IQCM: variants seen among roughly 807,000 people sequenced by gnomAD.
IQCM encodes IQ domain-containing protein M.
A neutral mutation model predicts 57.6 loss-of-function variants in IQCM; 45 were observed. That is an observed-to-expected ratio of 0.78 (90% CI 0.62 to 1.00). The LOEUF (loss-of-function observed/expected upper bound fraction) is 1.00. IQCM is among the 50% of genes least tolerant of loss of function. The pLI is 0.00. For synonymous variants in IQCM, 148 were observed against 158.9 expected, an observed-to-expected ratio of 0.93 and a Z score of 0.51; for missense variants, 468 against 511.6, an observed-to-expected ratio of 0.91 and a Z score of 0.82.
chr4:149,467,638 T>C (rs1738999036), intron 12 of IQCM, among the ~76,000 whole-genome samples: 1 of 152,192 alleles, frequency 6.6e-6, no homozygotes, highest in Admixed American at 6.5e-5. Flanking sequence ...ATTCCCAGAC[T>C]AGAAATTTCA....
intron 13 of IQCM, among the ~76,000 whole-genome samples, chr4:149,368,978 ATATATATACACGTG>A (rs1418565322): frequency 6.4e-5 from 3 of 46,816 alleles, no homozygotes; most frequent in African/African-American, 1.7e-4. Context: ...ATATATGTGT[ATATATATACACGTG>A]TATATATATA....
intron 3 of IQCM, among the ~76,000 whole-genome samples, chr4:149,738,806 T>A (rs1172388597): frequency 6.6e-6 from 1 of 152,196 alleles, no homozygotes; most frequent in Non-Finnish European, 1.5e-5. Flanking sequence ...TCTGATTTTC[T>A]ACCATCACTA....
intron 7 of IQCM, among the ~76,000 whole-genome samples, chr4:149,666,739 G>C (rs1157003654): frequency 6.6e-6 from 1 of 152,054 alleles, no homozygotes; most frequent in African/African-American, 2.4e-5. Flanking sequence ...GAGCTTGGTG[G>C]GGGGAGGGGT....
chr4:149,450,439 A>G (rs1579097891), intron 12 of IQCM, among the ~76,000 whole-genome samples: 1 of 152,030 alleles, frequency 6.6e-6, no homozygotes, highest in South Asian at 2.1e-4. Context: ...ATAGAATGGT[A>G]GAAAATATGT....
intron 12 of IQCM, among the ~76,000 whole-genome samples, chr4:149,484,555 G>A (rs1423816265): frequency 6.6e-6 from 1 of 151,744 alleles, no homozygotes; most frequent in Non-Finnish European, 1.5e-5. Flanking sequence ...AACATTGATT[G>A]CATATAGAAA....
intron 7 of IQCM, among the ~76,000 whole-genome samples, chr4:149,664,558 T>C (rs1218894020): frequency 6.6e-6 from 1 of 152,138 alleles, no homozygotes; most frequent in Non-Finnish European, 1.5e-5. Context: ...TCTTTAATTA[T>C]AATCCTCCTC....
intron 5 of IQCM, among the ~76,000 whole-genome samples, chr4:149,702,543 T>C (rs1200878360): frequency 1.3e-5 from 2 of 151,886 alleles, no homozygotes; most frequent in South Asian, 2.1e-4. Context: ...TTTCCTCTCC[T>C]TATCTTTTCA....
At chr4:149,690,297 A>C (rs1203149518) in intron 5 of IQCM, among the ~76,000 whole-genome samples, 11 of 152,156 alleles carry the variant, frequency 7.2e-5, no homozygotes. Flanking sequence ...ATTGGAGACT[A>C]TTATTCTAAG....
chr4:149,560,314 C>A (rs913740892), intron 10 of IQCM, among the ~76,000 whole-genome samples: 1 of 152,108 alleles, frequency 6.6e-6, no homozygotes, highest in African/African-American at 2.4e-5. Flanking sequence ...TTTATTGATT[C>A]AACAAATATT....
At chr4:149,596,843 C>A (rs994721346) in intron 8 of IQCM, among the ~76,000 whole-genome samples, 1 of 152,032 alleles carries the variant, frequency 6.6e-6, no homozygotes, top group Non-Finnish European at 1.5e-5. Context: ...TGGGTAAAAG[C>A]AATTTTATCA....
intron 7 of IQCM, among the ~76,000 whole-genome samples, chr4:149,678,579 A>G (rs1176577158): frequency 6.6e-6 from 1 of 151,768 alleles, no homozygotes; most frequent in African/African-American, 2.4e-5. Context: ...GTTTTTAAAA[A>G]ATGGAAGTTA....
intron 12 of IQCM, among the ~76,000 whole-genome samples, chr4:149,537,020 A>G (rs1024849825): frequency 6.6e-6 from 1 of 152,056 alleles, no homozygotes; most frequent in Admixed American, 6.6e-5. Flanking sequence ...ACAACAAAGT[A>G]TCTAAAATTT....
intron 12 of IQCM, among the ~76,000 whole-genome samples, chr4:149,437,074 G>C (rs1735434165): frequency 6.6e-6 from 1 of 152,114 alleles, no homozygotes; most frequent in South Asian, 2.1e-4. Flanking sequence ...TAGCTGGTAA[G>C]TGGTGAAACC....
At chr4:149,668,986 AC>A (rs1760993934) in intron 7 of IQCM, among the ~76,000 whole-genome samples, 1 of 152,226 alleles carries the variant, frequency 6.6e-6, no homozygotes, top group African/African-American at 2.4e-5. Flanking sequence ...GTTATTATTA[AC>A]AACTTTATAG....
intron 13 of IQCM, among the ~76,000 whole-genome samples, chr4:149,367,473 C>T (rs556068713): frequency 1.3e-5 from 2 of 152,048 alleles, no homozygotes; most frequent in South Asian, 4.2e-4. Context: ...AGAGGAATCT[C>T]TTGAAATCTA....
intron 12 of IQCM, among the ~76,000 whole-genome samples, chr4:149,494,552 G>A (rs574733284): frequency 2.3e-4 from 35 of 152,232 alleles, no homozygotes; most frequent in African/African-American, 7.7e-4. Flanking sequence ...AGGCACTTGG[G>A]TGACTGCATC....
At position 149,761,124 on chromosome 4, in the gene IQCM, G is replaced by A. The variant is rs956975515; in HGVS notation, c.-48-18385C>T. Among the ~76,000 whole-genome samples, 15 of 152,056 alleles carry A rather than the reference G, an allele frequency of 9.9e-5. 1 individual carries two copies. Among genetic ancestry groups the A allele is most frequent in the East Asian group, 5.8e-4 (3 of 5,198 alleles). ...ATACCTTTGATACATACGCCAGCACGTGAAACTAAATAAGTGTTTAGAGCC... is the reference window on the plus strand; with the variant it reads ...ATACCTTTGATACATACGCCAGCACATGAAACTAAATAAGTGTTTAGAGCC... On this transcript the variant is annotated intron_variant, in intron 2 of 13. Coordinates refer to ENST00000636793, the MANE Select transcript of IQCM (RefSeq NM_001363507.2).
intron 2 of IQCM, among the ~76,000 whole-genome samples, chr4:149,784,302 T>TG (rs1194300636): frequency 6.6e-6 from 1 of 152,238 alleles, no homozygotes; most frequent in African/African-American, 2.4e-5. Context: ...AACTTGCCAC[T>TG]GGCTCAGGGA....
intron 13 of IQCM, among the ~76,000 whole-genome samples, chr4:149,353,493 C>T (rs1728717187): frequency 6.6e-6 from 1 of 152,134 alleles, no homozygotes; most frequent in Non-Finnish European, 1.5e-5. Flanking sequence ...TGCACATTCA[C>T]TGCAGCATTA....
Sources: allele counts gnomAD v4.1 joint callset (sites outside exome capture counted in the v4.1 genomes callset), GRCh38; gene constraint gnomAD v4.1.1; transcripts MANE v1.5; gene names NCBI Gene and HGNC (gene_info 2026-07-23, HGNC 2026-07-21).